The following CCDC85A variants were observed in gnomAD, a reference collection of about 807,000 sequenced individuals.
The protein encoded by CCDC85A is coiled-coil domain containing 85A, also known as coiled-coil domain-containing protein 85A.
Under a neutral mutation model 50.2 loss-of-function variants are expected in CCDC85A, and 38 were observed. That is an observed-to-expected ratio of 0.76 (90% CI 0.58 to 0.99). The LOEUF is 0.99. CCDC85A is among the 50% of genes least tolerant of loss of function. The pLI, the probability that CCDC85A is intolerant of heterozygous loss-of-function variation, is 0.00. For synonymous variants in CCDC85A, 366 were observed against 301.4 expected (o/e 1.21, Z -2.22); for missense variants, 820 against 742.0 (o/e 1.11, Z -1.22).
At chr2:56,332,170 G>A (rs968219716) in intron 2 of CCDC85A, among the ~76,000 whole-genome samples, 1 of 152,208 alleles carries the variant, frequency 6.6e-6, no homozygotes, top group Admixed American at 6.5e-5. Flanking sequence ...TTCTAGCTGA[G>A]GGGCATTTAG....
chr2:56,184,406 C>A lies in CCDC85A; in HGVS notation c.-219C>A. On this transcript the variant is annotated 5_prime_UTR_variant, in exon 1 of 6. The change creates a new upstream start codon in the 5' untranslated region. Transcript: ENST00000407595. Reference sequence around the variant, plus strand: ...GGCCTCGGCAGCAGCAAGCGGCTGGCTGCCGGGCCCTGGGGGAGCGCGGGC... The same window carrying A: ...GGCCTCGGCAGCAGCAAGCGGCTGGATGCCGGGCCCTGGGGGAGCGCGGGC... 1 of 518,480 alleles carries A rather than the reference C, an allele frequency of 1.9e-6. No homozygotes were observed. Among genetic ancestry groups the A allele is most frequent in the Non-Finnish European group, 2.8e-6 (1 of 353,244 alleles). 32.1% of individuals were successfully genotyped at this position (518,480 alleles called of 1,614,324 possible).
chr2:56,241,105 A>T (rs894123140), intron 2 of CCDC85A, among the ~76,000 whole-genome samples: 2 of 152,148 alleles, frequency 1.3e-5, no homozygotes, highest in African/African-American at 4.8e-5. Flanking sequence ...TAACTAAGAA[A>T]CATTTTATTA....
chr2:56,192,743 A>G lies in CCDC85A; in HGVS notation c.543A>G (p.Ala181=). The G allele has an allele frequency of 6.2e-7, 1 of 1,613,112 alleles. No homozygotes were observed. The change falls in exon 2 of 6, where the codon GCA becomes GCG. Residue 181 remains alanine, a synonymous_variant. Transcript: ENST00000407595. The surrounding 1 kb of genome is among the most constrained non-coding windows in gnomAD (Gnocchi z 4.7). ...ATGAGGAGAAGGGTGCAGGCTGCGC[A>G]GGCAGCCGCTGCTCCATCGACAGCC... The part of the protein sequence containing the change: ...LLDEEKGAGC[A]GSRCSIDSQA...
intron 2 of CCDC85A, among the ~76,000 whole-genome samples, chr2:56,320,178 A>G (rs1390439473): frequency 1.3e-5 from 2 of 152,214 alleles, no homozygotes; most frequent in Non-Finnish European, 2.9e-5. Context: ...TGCCCACAAG[A>G]GAAAGGAGGA....
At chr2:56,286,551 G>C (rs529257844) in intron 2 of CCDC85A, among the ~76,000 whole-genome samples, 2 of 151,966 alleles carry the variant, frequency 1.3e-5, no homozygotes, top group African/African-American at 4.8e-5. Flanking sequence ...TTTACTACTA[G>C]AATTGGCTTT....
intron 3 of CCDC85A, among the ~76,000 whole-genome samples, chr2:56,367,410 G>A (rs1675850753): frequency 6.6e-6 from 1 of 152,102 alleles, no homozygotes; most frequent in Non-Finnish European, 1.5e-5. Context: ...CAAATCCTGT[G>A]GGCAACATGT....
At chr2:56,245,862 C>A (rs187664789) in intron 2 of CCDC85A, among the ~76,000 whole-genome samples, 9 of 152,272 alleles carry the variant, frequency 5.9e-5, no homozygotes, top group Admixed American at 5.9e-4. Context: ...CTTCACCAGA[C>A]CAAATGCCAT....
At chr2:56,266,395 C>T (rs766590574) in intron 2 of CCDC85A, among the ~76,000 whole-genome samples, 1 of 151,940 alleles carries the variant, frequency 6.6e-6, no homozygotes, top group Non-Finnish European at 1.5e-5. Context: ...CATAGCAAGA[C>T]CCTGTTTCTA....
intron 2 of CCDC85A, among the ~76,000 whole-genome samples, chr2:56,226,043 A>G (rs961930003): frequency 2.6e-5 from 4 of 152,228 alleles, no homozygotes; most frequent in African/African-American, 9.6e-5. Context: ...TGTGTTGCAT[A>G]GAACTGAACA....
intron 4 of CCDC85A, 134 bp from the exon 5 acceptor site, chr2:56,375,682 C>A: frequency 1.2e-6 from 1 of 821,452 alleles, no homozygotes; most frequent in South Asian, 1.6e-5. Flanking sequence ...AGATTGATAG[C>A]ATTGTAGACT....
intron 2 of CCDC85A, among the ~76,000 whole-genome samples, chr2:56,338,839 CA>C (rs1265206378): frequency 6.6e-6 from 1 of 151,720 alleles, no homozygotes; most frequent in East Asian, 1.9e-4. Context: ...CAGTATATTC[CA>C]GAAAAATATT....
chr2:56,275,464 TTAACATCATATAGACCTTACACCAGC>T (rs1195273207), intron 2 of CCDC85A, among the ~76,000 whole-genome samples: 7 of 66,694 alleles, frequency 1.0e-4, no homozygotes, highest in East Asian at 2.9e-3. Flanking sequence ...CACCAGCTAT[TTAACATCATATAGACCTTACACCAGC>T]TATTTAACAT....
At chr2:56,318,509 G>A (rs1386521991) in intron 2 of CCDC85A, among the ~76,000 whole-genome samples, 4 of 151,830 alleles carry the variant, frequency 2.6e-5, no homozygotes, top group Non-Finnish European at 4.4e-5. Context: ...AGATATTTTT[G>A]TTTATTTTCT....
At chr2:56,285,983 T>C (rs997516066) in intron 2 of CCDC85A, among the ~76,000 whole-genome samples, 4 of 152,092 alleles carry the variant, frequency 2.6e-5, no homozygotes, top group African/African-American at 7.2e-5. Flanking sequence ...ATTTATTGGG[T>C]ATAGAATTTT....
intron 2 of CCDC85A, among the ~76,000 whole-genome samples, chr2:56,206,685 A>T (rs72801175): frequency 0.2 from 29,991 of 152,130 alleles, 3,243 homozygotes; most frequent in Admixed American, 0.27. Flanking sequence ...TCATCTCCCA[A>T]CACTGCTGCA....
Position 56,261,202 on chromosome 2 carries a change from G to A in CCDC85A, c.1240+67762G>A, listed in dbSNP as rs11884341. Among the ~76,000 whole-genome samples the A allele has an allele frequency of 4.7e-3, 719 of 152,284 alleles. 6 individuals carry two copies. The highest frequency in any genetic ancestry group is 0.016 in the African/African-American group (668 of 41,546). ...CATCAGGGAGAATGTGAAAGAAACT[G>A]CGGTAGCACTTTAAAAACCATAATG... On this transcript the variant is annotated intron_variant, in intron 2 of 5. Transcript: ENST00000407595.
intron 2 of CCDC85A, among the ~76,000 whole-genome samples, chr2:56,277,947 C>T (rs973892970): frequency 2.0e-5 from 3 of 152,224 alleles, no homozygotes; most frequent in Admixed American, 2.0e-4. Context: ...TGGAAAGCAA[C>T]AGAGGCCACA....
At chr2:56,316,117 ATAACT>A (rs1360755253) in intron 2 of CCDC85A, among the ~76,000 whole-genome samples, 1 of 150,428 alleles carries the variant, frequency 6.6e-6, no homozygotes, top group Non-Finnish European at 1.5e-5. Context: ...ATTTGTCAAA[ATAACT>A]TAAGAGATTT....
At chr2:56,351,732 A>C (rs1674954231) in intron 3 of CCDC85A, among the ~76,000 whole-genome samples, 1 of 149,724 alleles carries the variant, frequency 6.7e-6, no homozygotes, top group Non-Finnish European at 1.5e-5. Flanking sequence ...GTTTGAGTTC[A>C]TTGTAGATTC....
Sources: gnomAD v4.1 joint callset for allele counts (sites outside exome capture counted in the v4.1 genomes callset) on GRCh38, gnomAD v4.1.1 for gene constraint, Gnocchi (gnomAD v3.1) non-coding constraint, MANE v1.5 for transcripts, NCBI Gene and HGNC (gene_info 2026-07-23, HGNC 2026-07-21) for gene names.